Variants in TMEM131 observed in about 807,000 individuals in gnomAD.
The protein encoded by TMEM131 is transmembrane protein 131.
TMEM131 carries 66 observed loss-of-function variants against 211.6 expected under a neutral mutation model. The observed-to-expected ratio is 0.31, with a 90% confidence interval of 0.26 to 0.38. TMEM131 has a LOEUF of 0.38. Ranked by LOEUF, TMEM131 falls within the 10% of genes least tolerant of loss-of-function variation. The probability of loss-of-function intolerance (pLI) is 1.00; values close to 1 mark genes in which losing one functional copy is unlikely to be tolerated. For synonymous variants in TMEM131, 844 were observed against 841.3 expected (o/e 1.00, Z -0.06); for missense variants, 2,036 against 2,299.3 (o/e 0.89, Z 2.34).
At chr2:97,981,941 C>T (rs1267516969) in intron 1 of TMEM131, among the ~76,000 whole-genome samples, 1 of 152,200 alleles carries the variant, frequency 6.6e-6, no homozygotes, top group African/African-American at 2.4e-5. Flanking sequence ...ATTCTTCAAA[C>T]ATTTCAGTTG....
At chr2:97,910,573 C>A (rs1471270419) in intron 2 of TMEM131, among the ~76,000 whole-genome samples, 1 of 152,168 alleles carries the variant, frequency 6.6e-6, no homozygotes, top group South Asian at 2.1e-4. Flanking sequence ...AATTCTGACA[C>A]ATGCCACAAC....
intron 34 of TMEM131, 97 bp downstream of exon 34, chr2:97,766,381 A>C: frequency 6.3e-7 from 1 of 1,599,112 alleles, no homozygotes; most frequent in Non-Finnish European, 8.5e-7. Context: ...ATGACTAATA[A>C]CTACTGACTG....
intron 5 of TMEM131, among the ~76,000 whole-genome samples, chr2:97,850,292 C>T (rs1415089929): frequency 6.6e-6 from 1 of 152,056 alleles, no homozygotes; most frequent in African/African-American, 2.4e-5. Context: ...ACCTGACCCA[C>T]AGAAAGGGGC....
chr2:97,953,127 G>T (rs1393962254), intron 1 of TMEM131, among the ~76,000 whole-genome samples: 1 of 152,118 alleles, frequency 6.6e-6, no homozygotes, highest in African/African-American at 2.4e-5. Flanking sequence ...AAATATAAGA[G>T]ACCATCCTTT....
intron 1 of TMEM131, among the ~76,000 whole-genome samples, chr2:97,942,091 A>T (rs1677758290): frequency 6.6e-6 from 1 of 152,108 alleles, no homozygotes; most frequent in African/African-American, 2.4e-5. Context: ...TCCATCAGTG[A>T]TAGACTGGAT....
At chr2:97,868,108 T>C (rs1289343415) in intron 4 of TMEM131, among the ~76,000 whole-genome samples, 1 of 152,208 alleles carries the variant, frequency 6.6e-6, no homozygotes, top group African/African-American at 2.4e-5. Flanking sequence ...GATGCATGCA[T>C]ATTTCGAGTT....
intron 1 of TMEM131, among the ~76,000 whole-genome samples, chr2:97,944,149 G>A (rs1023307565): frequency 6.6e-6 from 1 of 152,094 alleles, no homozygotes; most frequent in East Asian, 1.9e-4. Context: ...AGAACTGACA[G>A]TCCAGAAACA....
chr2:97,973,979 T>A lies in TMEM131; in HGVS notation c.187+21497A>T, dbSNP rs75200996. 2.4e-3 allele frequency among the ~76,000 whole-genome samples: 370 copies of A among 152,294 alleles called. 5 individuals are homozygous for A. The East Asian group carries it at 0.026, about 11-fold the overall frequency. Reference sequence around the variant, plus strand: ...AACGTAAAATTTGCAATATCTGGCATCCAATCAAAGATTATCAGGCACACA... The same window carrying A: ...AACGTAAAATTTGCAATATCTGGCAACCAATCAAAGATTATCAGGCACACA... On this transcript the variant is annotated intron_variant, in intron 1 of 40. Transcript: ENST00000186436.
intron 29 of TMEM131, among the ~76,000 whole-genome samples, chr2:97,794,610 T>A (rs1176459692): frequency 6.6e-6 from 1 of 152,234 alleles, no homozygotes; most frequent in African/African-American, 2.4e-5. Context: ...CAGTTTCAAG[T>A]GGCCTAGGTA....
At chr2:97,859,253 G>C in intron 5 of TMEM131, 51 bp downstream of exon 5, 1 of 1,528,046 alleles carries the variant, frequency 6.5e-7, no homozygotes, top group Middle Eastern at 1.7e-4. Flanking sequence ...TAAAAATCTA[G>C]ACATTTCAAC....
At chr2:97,825,532 A>C (rs1274647462) in intron 11 of TMEM131, among the ~76,000 whole-genome samples, 1 of 152,172 alleles carries the variant, frequency 6.6e-6, no homozygotes, top group East Asian at 1.9e-4. Flanking sequence ...TCTATGCTCT[A>C]ATCAAGGAGA....
intron 1 of TMEM131, among the ~76,000 whole-genome samples, chr2:97,935,829 G>A (rs1281280710): frequency 6.6e-6 from 1 of 152,220 alleles, no homozygotes; most frequent in African/African-American, 2.4e-5. Context: ...TCCATGGAAT[G>A]TTAATACATT....
chr2:97,792,850 C>G lies in TMEM131; in HGVS notation c.3680G>C (p.Arg1227Thr). 2.5e-6 allele frequency: 4 copies of G among 1,613,886 alleles called. No individual in the cohort carries two copies. Among genetic ancestry groups the G allele is most frequent in the Non-Finnish European group, 3.4e-6 (4 of 1,179,868 alleles). The part of the protein sequence containing the change: ...SVHPHSSHSN[R>T]NSADVENVRA... ...GACGTTTTCCACGTCAGCTGAGTTT[C>G]TATTGCTGTGACTGCTGTGTGGGTG... Residue 1227 changes from arginine (R) to threonine (T), a missense_variant, in exon 31 of 41, where the codon AGA becomes ACA. This residue lies in a region of TMEM131 where 1,623 missense variants were observed against 1,805.9 expected (regional missense o/e 0.90). Coordinates refer to ENST00000186436, the MANE Select transcript of TMEM131 (RefSeq NM_015348.2).
intron 17 of TMEM131, 150 bp from the exon 18 acceptor site, chr2:97,811,382 T>C (rs1376506675): frequency 3.1e-6 from 2 of 638,538 alleles, no homozygotes; most frequent in Non-Finnish European, 5.7e-6. Flanking sequence ...TGTACAAATA[T>C]CTCAAAATAG....
rs981138925 is a variant in TMEM131 at position 97,972,808 on chromosome 2, G to A, written c.187+22668C>T. ...GAGAGAAGGCACATAAGGAGGACTC[G>A]GCCCAATGCTGCTGGCTTTGAAGGC... On this transcript the variant is annotated intron_variant, in intron 1 of 40. Coordinates refer to ENST00000186436, the MANE Select transcript of TMEM131 (RefSeq NM_015348.2). 1.1e-4 allele frequency among the ~76,000 whole-genome samples: 16 copies of A among 152,236 alleles called. No homozygotes were observed. The East Asian group carries it at 1.9e-3, about 18-fold the overall frequency.
intron 4 of TMEM131, among the ~76,000 whole-genome samples, chr2:97,877,332 C>A (rs1165844573): frequency 1.3e-5 from 2 of 152,202 alleles, no homozygotes; most frequent in Non-Finnish European, 2.9e-5. Context: ...CACTAACTTT[C>A]TTCATAGAAT....
Position 97,805,671 on chromosome 2 carries a change from CATA to C in TMEM131, c.2085_2087del (p.Ile695del). 6.2e-7 allele frequency: 1 copy of C among 1,605,158 alleles called. No individual in the cohort carries two copies. The highest frequency in any genetic ancestry group is 1.1e-5 in the South Asian group (1 of 89,494). On this transcript the variant is annotated inframe_deletion, in exon 20 of 41. Coordinates refer to ENST00000186436, the MANE Select transcript of TMEM131 (RefSeq NM_015348.2). ...TTTTTACCTTCTGTGAGAAGGAATTCATAATATTTAAACTTTGATGAACTATTT... is the reference window on the plus strand; with the variant it reads ...TTTTTACCTTCTGTGAGAAGGAATTCATATTTAAACTTTGATGAACTATTT...
chr2:97,805,574 A>G lies in TMEM131; in HGVS notation c.2185T>C (p.Leu729=). The change falls in exon 20 of 41, where the codon TTG becomes CTG. Residue 729 remains leucine (L), a synonymous_variant. Coordinates refer to ENST00000186436, the MANE Select transcript of TMEM131 (RefSeq NM_015348.2). ...ACCTTTGATTTTTTTCCTGGCTCCA[A>G]GTCTTCCTTATTGCCCCGTAATCGT... ...YKRLRGNKED[L]EPGKKSKIAN... The G allele has an allele frequency of 1.2e-6, 2 of 1,609,518 alleles. No individual in the cohort carries two copies. The highest frequency in any genetic ancestry group is 8.5e-7 in the Non-Finnish European group (1 of 1,176,696).
rs2104939590 is a variant in TMEM131, at chr2:97,805,540, T to C, written c.2208+11A>G. ...AACCAATGGGAATTCTCAAATATAATATCTTCAAACCTTTGATTTTTTTCC... is the reference window on the plus strand; with the variant it reads ...AACCAATGGGAATTCTCAAATATAACATCTTCAAACCTTTGATTTTTTTCC... On this transcript the variant is annotated intron_variant, in intron 20 of 40. Coordinates refer to ENST00000186436, the MANE Select transcript of TMEM131 (RefSeq NM_015348.2). The C allele has an allele frequency of 6.2e-7, 1 of 1,609,648 alleles. No individual in the cohort carries two copies. The highest frequency in any genetic ancestry group is 8.5e-7 in the Non-Finnish European group (1 of 1,176,870).
Sources: gnomAD v4.1 joint callset for allele counts (sites outside exome capture counted in the v4.1 genomes callset) on GRCh38, gnomAD v4.1.1 for gene constraint, gnomAD v4.1.1 regional missense constraint, MANE v1.5 for transcripts, NCBI Gene and HGNC (gene_info 2026-07-23, HGNC 2026-07-21) for gene names.